Variants in TMEM178B observed in about 807,000 individuals in gnomAD.
The protein encoded by TMEM178B is transmembrane protein 178B.
TMEM178B carries 5 observed loss-of-function variants against 31.0 expected under a neutral mutation model. That is an observed-to-expected ratio of 0.16 (90% confidence interval 0.08 to 0.34). The LOEUF is 0.34. TMEM178B is among the 10% of genes least tolerant of loss of function. The probability of loss-of-function intolerance (pLI) is 1.00; values close to 1 mark genes in which losing one functional copy is unlikely to be tolerated. For missense variants in TMEM178B, 275 were observed against 400.3 expected (o/e 0.69, Z 2.67); for synonymous variants, 164 against 164.0 (o/e 1.00, Z 0.00).
chr7:141,503,274 C>T, the TMEM178B span, among the ~76,000 whole-genome samples: 1 of 152,306 alleles, frequency 6.6e-6, no homozygotes, highest in Admixed American at 6.5e-5. Flanking sequence ...ACAAGTAGTG[C>T]TATTACTATT....
intron 2 of TMEM178B, among the ~76,000 whole-genome samples, chr7:141,259,584 T>C (rs1797982126): frequency 6.6e-6 from 1 of 152,210 alleles, no homozygotes; most frequent in Admixed American, 6.5e-5. Flanking sequence ...CCATGGGGAT[T>C]GTCACTGTTG....
chr7:141,134,561 T>A (rs539598483), intron 1 of TMEM178B, among the ~76,000 whole-genome samples: 1 of 152,076 alleles, frequency 6.6e-6, no homozygotes, highest in Non-Finnish European at 1.5e-5. Flanking sequence ...GAGTCAAATG[T>A]TACCAATACA....
chr7:141,413,552 G>A (rs1333316504), intron 2 of TMEM178B, among the ~76,000 whole-genome samples: 1 of 152,246 alleles, frequency 6.6e-6, no homozygotes, highest in East Asian at 1.9e-4. Context: ...CTTTTTTCTG[G>A]CATTCTTGGG....
At chr7:141,362,066 C>A (rs1799926495) in intron 2 of TMEM178B, among the ~76,000 whole-genome samples, 1 of 152,224 alleles carries the variant, frequency 6.6e-6, no homozygotes, top group South Asian at 2.1e-4. Flanking sequence ...TTCAGCTTTC[C>A]AGACCCCTTT....
chr7:141,416,906 G>A (rs1040172537), intron 2 of TMEM178B, among the ~76,000 whole-genome samples: 13 of 152,160 alleles, frequency 8.5e-5, no homozygotes, highest in African/African-American at 1.7e-4. Flanking sequence ...CTGACTACAC[G>A]TGAAGCATGA....
chr7:141,100,515 C>T (rs549289155), intron 1 of TMEM178B, among the ~76,000 whole-genome samples: 5 of 152,272 alleles, frequency 3.3e-5, no homozygotes, highest in African/African-American at 1.2e-4. Context: ...CCCAGATATT[C>T]CTGATTCAGT....
intron 3 of TMEM178B, among the ~76,000 whole-genome samples, chr7:141,452,226 A>G (rs1303864107): frequency 6.6e-6 from 1 of 152,194 alleles, no homozygotes; most frequent in African/African-American, 2.4e-5. Context: ...TGTTTTAAAA[A>G]TGCTTTCTAG....
chr7:141,306,968 G>A (rs1798825831), intron 2 of TMEM178B, among the ~76,000 whole-genome samples: 1 of 152,048 alleles, frequency 6.6e-6, no homozygotes, highest in African/African-American at 2.4e-5. Flanking sequence ...ATATATAATG[G>A]GACTGTCTTC....
At chr7:141,250,492 A>G (rs536772200) in intron 2 of TMEM178B, among the ~76,000 whole-genome samples, 1 of 152,338 alleles carries the variant, frequency 6.6e-6, no homozygotes, top group Non-Finnish European at 1.5e-5. Flanking sequence ...CCAGAAGGAA[A>G]TATATTGCTA....
At chr7:141,175,154 G>A (rs1378033404) in intron 1 of TMEM178B, among the ~76,000 whole-genome samples, 1 of 152,088 alleles carries the variant, frequency 6.6e-6, no homozygotes, top group Non-Finnish European at 1.5e-5. Context: ...TGTAAGGAAG[G>A]GATCTAGTTT....
At chr7:141,313,097 G>C (rs1314686799) in intron 2 of TMEM178B, among the ~76,000 whole-genome samples, 1 of 152,156 alleles carries the variant, frequency 6.6e-6, no homozygotes, top group African/African-American at 2.4e-5. Flanking sequence ...ACAAAGGTTG[G>C]AAGGTGAGAA....
At position 141,341,766 on chromosome 7, in the gene TMEM178B, T is replaced by A. The variant is rs193016113; in HGVS notation, c.497-95842T>A. 9.2e-3 allele frequency among the ~76,000 whole-genome samples: 1,399 copies of A among 151,988 alleles called. 15 individuals are homozygous for A. The highest frequency in any genetic ancestry group is 0.012 in the Non-Finnish European group (815 of 67,936). On this transcript the variant is annotated intron_variant, in intron 2 of 3. Transcript: ENST00000565468. Reference sequence around the variant, plus strand: ...CTCCTTTTAACTAGAAAAAAAAAAATTATGGCAAAGCTCATGTCTTGAAAA... The same window carrying A: ...CTCCTTTTAACTAGAAAAAAAAAAAATATGGCAAAGCTCATGTCTTGAAAA...
rs1380052119 is a variant in TMEM178B, at chr7:141,104,220, CT to C, written c.382+29529del. On this transcript the variant is annotated intron_variant, in intron 1 of 3. Coordinates refer to ENST00000565468, the MANE Select transcript of TMEM178B (RefSeq NM_001195278.2). Reference sequence around the variant, plus strand: ...GTAAGGCCTTTACCTCACTTGGAGACTGACGGCATGTGGGCTGTCCTGGCCC... The same window carrying C: ...GTAAGGCCTTTACCTCACTTGGAGACGACGGCATGTGGGCTGTCCTGGCCC... Among the ~76,000 whole-genome samples, 4 of 152,178 alleles carry C rather than the reference CT, an allele frequency of 2.6e-5. No individual in the cohort carries two copies. In the East Asian group the frequency reaches 7.7e-4, roughly 29 times the overall value.
At chr7:141,119,597 A>T (rs1795376476) in intron 1 of TMEM178B, among the ~76,000 whole-genome samples, 1 of 152,184 alleles carries the variant, frequency 6.6e-6, no homozygotes, top group African/African-American at 2.4e-5. Flanking sequence ...CTTTATGAAC[A>T]TGCTTTGATG....
intron 1 of TMEM178B, among the ~76,000 whole-genome samples, chr7:141,175,278 GT>G (rs1338843028): frequency 4.6e-5 from 7 of 152,212 alleles, no homozygotes; most frequent in African/African-American, 1.7e-4. Context: ...TTGTAGATGT[GT>G]GGTATTATTT....
the TMEM178B span, among the ~76,000 whole-genome samples, chr7:141,494,370 C>T: frequency 6.6e-6 from 1 of 152,150 alleles, no homozygotes; most frequent in Non-Finnish European, 1.5e-5. Context: ...TCTTCTCATC[C>T]TCAACACCAT....
At chr7:141,168,431 G>C (rs1796295249) in intron 1 of TMEM178B, among the ~76,000 whole-genome samples, 1 of 152,062 alleles carries the variant, frequency 6.6e-6, no homozygotes, top group Admixed American at 6.6e-5. Flanking sequence ...TACATCAAAG[G>C]GGCAAACTGA....
chr7:141,270,703 G>A (rs1181599373), intron 2 of TMEM178B, among the ~76,000 whole-genome samples: 1 of 152,192 alleles, frequency 6.6e-6, no homozygotes, highest in Non-Finnish European at 1.5e-5. Context: ...CTCTTCACAA[G>A]CCTCCAGAAA....
intron 3 of TMEM178B, among the ~76,000 whole-genome samples, chr7:141,441,277 G>A (rs1266300931): frequency 6.6e-6 from 1 of 152,214 alleles, no homozygotes; most frequent in Non-Finnish European, 1.5e-5. Context: ...AGACATGTCA[G>A]CACCACCCCT....
Sources: gnomAD v4.1 joint callset for allele counts (sites outside exome capture counted in the v4.1 genomes callset) on GRCh38, gnomAD v4.1.1 for gene constraint, MANE v1.5 for transcripts, NCBI Gene and HGNC (gene_info 2026-07-23, HGNC 2026-07-21) for gene names.